The following TNIP3 variants were observed in gnomAD, a reference collection of about 807,000 sequenced individuals.
TNIP3 encodes the protein TNFAIP3-interacting protein 3.
TNIP3 carries 34 observed loss-of-function variants against 54.1 expected under a neutral mutation model. The ratio of observed to expected loss-of-function variants is 0.63; its 90% CI spans 0.48 to 0.84. TNIP3 has a LOEUF of 0.84. TNIP3 is among the 40% of genes least tolerant of loss of function. TNIP3 has a pLI of 0.00. For synonymous variants in TNIP3, 134 were observed against 136.8 expected (o/e 0.98, Z 0.14); for missense variants, 366 against 387.6 (o/e 0.94, Z 0.47).
chr4:121,188,688 G>A (rs2148831083), intron 2 of TNIP3, among the ~76,000 whole-genome samples: 1 of 152,216 alleles, frequency 6.6e-6, no homozygotes, highest in East Asian at 1.9e-4. Context: ...TGGCAGTTTT[G>A]TATCTAATCA....
intron 7 of TNIP3, among the ~76,000 whole-genome samples, chr4:121,146,649 G>C (rs1418308254): frequency 1.3e-5 from 2 of 152,098 alleles, no homozygotes; most frequent in Admixed American, 1.3e-4. Context: ...ATGGCATTTA[G>C]AAATACGTAT....
chr4:121,148,832 C>T (rs994684306), intron 6 of TNIP3, among the ~76,000 whole-genome samples: 4 of 152,166 alleles, frequency 2.6e-5, no homozygotes, highest in Admixed American at 2.0e-4. Context: ...AATCTTTGTA[C>T]TTAGTACTTG....
chr4:121,210,043 C>A (rs1004472769), intron 2 of TNIP3, among the ~76,000 whole-genome samples: 1 of 152,086 alleles, frequency 6.6e-6, no homozygotes, highest in African/African-American at 2.4e-5. Context: ...CTCAGGGAGT[C>A]TGACTCAAGA....
At chr4:121,150,790 C>T (rs1262752073) in intron 5 of TNIP3, among the ~76,000 whole-genome samples, 1 of 152,210 alleles carries the variant, frequency 6.6e-6, no homozygotes, top group Admixed American at 6.5e-5. Flanking sequence ...AAAGCCCATG[C>T]AGATTCATTA....
At chr4:121,155,882 A>G (rs1730054481) in intron 4 of TNIP3, among the ~76,000 whole-genome samples, 1 of 152,238 alleles carries the variant, frequency 6.6e-6, no homozygotes, top group Non-Finnish European at 1.5e-5. Flanking sequence ...CATTTTCTTT[A>G]AAAGGGAAAA....
At chr4:121,133,579 T>C (rs567915678) in intron 10 of TNIP3, among the ~76,000 whole-genome samples, 4 of 152,320 alleles carry the variant, frequency 2.6e-5, no homozygotes, top group African/African-American at 9.6e-5. Context: ...TCCTTTTCAA[T>C]TTGTACAGTG....
chr4:121,159,962 G>T (rs1730347045), intron 2 of TNIP3, among the ~76,000 whole-genome samples: 1 of 152,138 alleles, frequency 6.6e-6, no homozygotes, highest in Admixed American at 6.5e-5. Context: ...TAACTCTTAT[G>T]CTGAAAATAC....
chr4:121,184,759 A>C lies in TNIP3; in HGVS notation c.69-1963T>G, dbSNP rs138788371. Among the ~76,000 whole-genome samples, 664 of 152,288 alleles carry C rather than the reference A, an allele frequency of 4.4e-3. 6 individuals are homozygous for C. Among genetic ancestry groups the C allele is most frequent in the African/African-American group, 0.015 (635 of 41,548 alleles). ...CTTTCAGGCTGTGAAATATCTGTACATCATGTGTCATTTATGATCCCATTG... is the reference window on the plus strand; with the variant it reads ...CTTTCAGGCTGTGAAATATCTGTACCTCATGTGTCATTTATGATCCCATTG... On this transcript the variant is annotated intron_variant, in intron 2 of 12. Transcript: ENST00000507879.
chr4:121,144,681 CAT>C, intron 7 of TNIP3, among the ~76,000 whole-genome samples: 1 of 152,360 alleles, frequency 6.6e-6, no homozygotes, highest in African/African-American at 2.4e-5. Flanking sequence ...GGATTACAGG[CAT>C]GAGTCACCGC....
intron 3 of TNIP3, among the ~76,000 whole-genome samples, chr4:121,173,943 C>A (rs1250075339): frequency 1.3e-5 from 2 of 152,120 alleles, no homozygotes; most frequent in African/African-American, 4.8e-5. Context: ...TGTATGCATT[C>A]TTGTATTAAA....
intron 5 of TNIP3, among the ~76,000 whole-genome samples, chr4:121,151,127 T>A (rs181530194): frequency 6.6e-6 from 1 of 152,314 alleles, no homozygotes; most frequent in Admixed American, 6.5e-5. Flanking sequence ...TTCCAAATAT[T>A]GTGACAGAAC....
intron 2 of TNIP3, among the ~76,000 whole-genome samples, chr4:121,187,515 T>C (rs1446789094): frequency 6.6e-6 from 1 of 152,230 alleles, no homozygotes; most frequent in Non-Finnish European, 1.5e-5. Context: ...ACATCTGGGA[T>C]CTTAGTGACC....
At chr4:121,156,976 C>A in intron 4 of TNIP3, 118 bp downstream of exon 4, 1 of 1,334,416 alleles carries the variant, frequency 7.5e-7, no homozygotes, top group Non-Finnish European at 1.0e-6. Flanking sequence ...CCTTGCACAT[C>A]GGTCGTTGCT....
intron 2 of TNIP3, among the ~76,000 whole-genome samples, chr4:121,200,482 A>G (rs1725822206): frequency 6.6e-6 from 1 of 152,150 alleles, no homozygotes; most frequent in South Asian, 2.1e-4. Flanking sequence ...CAGAGCTTTG[A>G]CAGTTGGCAG....
intron 2 of TNIP3, among the ~76,000 whole-genome samples, chr4:121,197,506 T>C (rs1327347463): frequency 7.3e-6 from 1 of 136,062 alleles, no homozygotes; most frequent in Non-Finnish European, 1.5e-5. Context: ...CACTCCAGCC[T>C]GGGTGACAGA....
chr4:121,197,453 G>T (rs1725659150), intron 2 of TNIP3, among the ~76,000 whole-genome samples: 1 of 151,390 alleles, frequency 6.6e-6, no homozygotes, highest in Non-Finnish European at 1.5e-5. Flanking sequence ...GCTTGAGCTT[G>T]GTGGCGGAGT....
upstream of TNIP3, chr4:121,216,771 A>G: frequency 1.8e-6 from 1 of 544,738 alleles, no homozygotes; most frequent in East Asian, 4.5e-5. Context: ...GAAATTGTCC[A>G]GGAGCAAGTA....
chr4:121,193,472 T>C (rs1366769773), intron 2 of TNIP3, among the ~76,000 whole-genome samples: 1 of 152,108 alleles, frequency 6.6e-6, no homozygotes, highest in Non-Finnish European at 1.5e-5. Context: ...TAAGTGGGGG[T>C]AAGAAAAGGC....
chr4:121,180,620 T>C (rs1724637100), intron 3 of TNIP3, among the ~76,000 whole-genome samples: 1 of 152,162 alleles, frequency 6.6e-6, no homozygotes, highest in African/African-American at 2.4e-5. Context: ...AGTTCAAACA[T>C]TACCCATAAA....
Sources: gnomAD v4.1 joint callset for allele counts (sites outside exome capture counted in the v4.1 genomes callset) on GRCh38, gnomAD v4.1.1 for gene constraint, MANE v1.5 for transcripts, NCBI Gene and HGNC (gene_info 2026-07-23, HGNC 2026-07-21) for gene names.